Variants in MSH3 observed in about 807,000 individuals in gnomAD.
The protein encoded by MSH3 is DNA mismatch repair protein Msh3.
Under a neutral mutation model 123.3 loss-of-function variants are expected in MSH3, and 106 were observed. The observed-to-expected ratio is 0.86, with a 90% CI of 0.73 to 1.01. MSH3 has a LOEUF of 1.01. MSH3 is among the 50% of genes least tolerant of loss of function. MSH3 has a pLI of 0.00. For synonymous variants in MSH3, 515 were observed against 481.4 expected (o/e 1.07, Z -0.91); for missense variants, 1,459 against 1,347.6 (o/e 1.08, Z -1.29).
At chr5:80,757,367 A>G (rs1404666357) in intron 12 of MSH3, among the ~76,000 whole-genome samples, 1 of 152,174 alleles carries the variant, frequency 6.6e-6, no homozygotes, top group Non-Finnish European at 1.5e-5. Flanking sequence ...TTTGAATTAT[A>G]GAGGCATTTT....
At chr5:80,773,725 T>A (rs1744250983) in intron 15 of MSH3, among the ~76,000 whole-genome samples, 1 of 152,208 alleles carries the variant, frequency 6.6e-6, no homozygotes, top group African/African-American at 2.4e-5. Flanking sequence ...AATGGGTTTT[T>A]ATAAATTTAT....
intron 15 of MSH3, among the ~76,000 whole-genome samples, chr5:80,774,344 T>TGTTGGTGG (rs1464104602): frequency 1.3e-5 from 2 of 151,606 alleles, no homozygotes; most frequent in Non-Finnish European, 2.9e-5. Context: ...TCTTGTACAC[T>TGTTGGTGG]GTTGGTGGGA....
rs949708660 is a variant in MSH3 at position 80,875,880 on chromosome 5, T to G, written c.*18T>G. ...TTCATTAAAATGAAGACTACATTTG[T>G]GAACAAAAAATGGAGAATTAAAAAT... On this transcript the variant is annotated 3_prime_UTR_variant, in exon 24 of 24. Coordinates refer to ENST00000265081, the MANE Select transcript of MSH3 (RefSeq NM_002439.5). 26 of 1,459,422 alleles carry G rather than the reference T, an allele frequency of 1.8e-5. No individual in the cohort carries two copies. The highest frequency in any genetic ancestry group is 2.2e-5 in the Non-Finnish European group (23 of 1,040,494). The allele number at this position is 1,459,422 out of a possible 1,614,324, so 90.4% of individuals were successfully genotyped here.
intron 15 of MSH3, among the ~76,000 whole-genome samples, chr5:80,772,999 T>C (rs543093809): frequency 6.6e-6 from 1 of 152,188 alleles, no homozygotes; most frequent in Non-Finnish European, 1.5e-5. Flanking sequence ...GGTAGCCCGC[T>C]GTAGTGATTG....
rs142819998 is a variant in MSH3 at position 80,681,005 on chromosome 5, C to G, written c.1340+1912C>G. Among the ~76,000 whole-genome samples, 302 of 152,188 alleles carry G rather than the reference C, an allele frequency of 2.0e-3. 2 individuals carry two copies. The highest frequency in any genetic ancestry group is 6.9e-3 in the African/African-American group (287 of 41,534). ...TTCCTGAAAATGGAATTAACTGGAT[C>G]AGAAGGTATGAATGTTTATAAAGCT... On this transcript the variant is annotated intron_variant, in intron 8 of 23. Coordinates refer to ENST00000265081, the MANE Select transcript of MSH3 (RefSeq NM_002439.5).
At chr5:80,760,856 G>C (rs562413218) in intron 12 of MSH3, among the ~76,000 whole-genome samples, 1 of 152,260 alleles carries the variant, frequency 6.6e-6, no homozygotes, top group South Asian at 2.1e-4. Context: ...GCCAGGGCTA[G>C]AGGTGGCTTA....
intron 18 of MSH3, 110 bp downstream of exon 18, chr5:80,787,782 ACT>A: frequency 1.3e-6 from 1 of 785,800 alleles, no homozygotes; most frequent in East Asian, 2.8e-5. Flanking sequence ...AATGTGTTAG[ACT>A]CTTGGGAAAG....
At chr5:80,837,890 G>T (rs747420853) in intron 20 of MSH3, among the ~76,000 whole-genome samples, 62 of 152,256 alleles carry the variant, frequency 4.1e-4, no homozygotes, top group Admixed American at 7.2e-4. Context: ...GAATTACCCA[G>T]GTTGCTGGCA....
intron 17 of MSH3, among the ~76,000 whole-genome samples, chr5:80,782,290 C>G (rs1345334852): frequency 6.6e-6 from 1 of 152,162 alleles, no homozygotes; most frequent in Non-Finnish European, 1.5e-5. Context: ...ATTTAACCAA[C>G]TGCAGATTGA....
At chr5:80,788,802 C>CAAA (rs199590090) in intron 18 of MSH3, among the ~76,000 whole-genome samples, 2 of 90,116 alleles carry the variant, frequency 2.2e-5, no homozygotes, top group Non-Finnish European at 5.0e-5. Context: ...GAGCCTGTCT[C>CAAA]AAAAAAAAAA....
chr5:80,871,034 A>G (rs78522869), intron 22 of MSH3, among the ~76,000 whole-genome samples: 1 of 152,350 alleles, frequency 6.6e-6, no homozygotes, highest in East Asian at 1.9e-4. Flanking sequence ...ATTGTACTTC[A>G]TTATATCCCA....
At chr5:80,790,036 T>G (rs1252308378) in intron 18 of MSH3, among the ~76,000 whole-genome samples, 5 of 152,200 alleles carry the variant, frequency 3.3e-5, no homozygotes, top group African/African-American at 1.2e-4. Context: ...ATATCCTGCT[T>G]GTAGGAAAGT....
chr5:80,664,674 C>G (rs1185588474), intron 2 of MSH3, among the ~76,000 whole-genome samples: 1 of 152,162 alleles, frequency 6.6e-6, no homozygotes, highest in African/African-American at 2.4e-5. Context: ...TTATTCCTTT[C>G]CAGAGCTACT....
At chr5:80,678,282 C>T (rs1464237894) in intron 7 of MSH3, among the ~76,000 whole-genome samples, 1 of 152,178 alleles carries the variant, frequency 6.6e-6, no homozygotes, top group Non-Finnish European at 1.5e-5. Context: ...TATCACTTCT[C>T]CAAACCATGA....
At chr5:80,665,438 T>C in intron 3 of MSH3, 75 bp downstream of exon 3, 1 of 1,106,706 alleles carries the variant, frequency 9.0e-7, no homozygotes, top group East Asian at 2.5e-5. Flanking sequence ...TTCTCTGAGG[T>C]CATTCATGGC....
intron 12 of MSH3, among the ~76,000 whole-genome samples, chr5:80,756,110 CACAG>C (rs1743921306): frequency 6.6e-6 from 1 of 151,874 alleles, no homozygotes; most frequent in Non-Finnish European, 1.5e-5. Context: ...AAAAAGGAAA[CACAG>C]ACAATTCTTT....
In MSH3 at chr5:80,876,266, A is replaced by G. The variant is rs41563313; in HGVS notation, c.*404A>G. 3.0e-3 allele frequency: 717 copies of G among 235,892 alleles called. 3 individuals carry two copies. Among genetic ancestry groups the G allele is most frequent in the Middle Eastern group, 4.2e-3 (3 of 722 alleles). 14.6% of individuals were successfully genotyped at this position (235,892 alleles called of 1,614,324 possible). Reference sequence around the variant, plus strand: ...TCCATTGAACTAAAATAATTTTATTATGCAACCAGTTTATCCACCAAGAAC... The same window carrying G: ...TCCATTGAACTAAAATAATTTTATTGTGCAACCAGTTTATCCACCAAGAAC... On this transcript the variant is annotated 3_prime_UTR_variant, in exon 24 of 24. Transcript: ENST00000265081.
At position 80,792,412 on chromosome 5, in the gene MSH3, T is replaced by TA. The variant is rs1231031111; in HGVS notation, c.2544-308dup. 1.6e-3 allele frequency among the ~76,000 whole-genome samples: 224 copies of TA among 137,332 alleles called. 1 individual carries two copies. The highest frequency in any genetic ancestry group is 0.013 in the South Asian group (58 of 4,378). The allele number at this position is 137,332 out of a possible 152,430, so 90.1% of individuals were successfully genotyped here. On this transcript the variant is annotated intron_variant, in intron 18 of 23. Transcript: ENST00000265081. Reference sequence around the variant, plus strand: ...GGCAGCACACTGAGACCCTATCTCTTAAAAAAAAAAAAAGAAAGAAAAGAA... The same window carrying TA: ...GGCAGCACACTGAGACCCTATCTCTTAAAAAAAAAAAAAAGAAAGAAAAGAA...
At chr5:80,751,834 G>T (rs768969864) in intron 12 of MSH3, among the ~76,000 whole-genome samples, 5 of 151,998 alleles carry the variant, frequency 3.3e-5, no homozygotes, top group Non-Finnish European at 5.9e-5. Context: ...AAACAAATAG[G>T]CCCATTATTT....
Sources: allele counts gnomAD v4.1 joint callset (sites outside exome capture counted in the v4.1 genomes callset), GRCh38; gene constraint gnomAD v4.1.1; transcripts MANE v1.5; gene names NCBI Gene and HGNC (gene_info 2026-07-23, HGNC 2026-07-21).